Variants in EPB41L5 observed in about 807,000 individuals in gnomAD.
EPB41L5 encodes the protein erythrocyte membrane protein band 4.1 like 5, also known as band 4.1-like protein 5.
EPB41L5 carries 55 observed loss-of-function variants against 106.6 expected under a neutral mutation model. The observed-to-expected ratio is 0.52, with a 90% CI of 0.42 to 0.65. The LOEUF (loss-of-function observed/expected upper bound fraction) is 0.65, where lower values mean the gene tolerates loss of function less well. EPB41L5 is among the 30% of genes least tolerant of loss of function. The pLI is 0.00. For missense variants in EPB41L5, 871 were observed against 882.1 expected (o/e 0.99, Z 0.16); for synonymous variants, 297 against 306.7 (o/e 0.97, Z 0.33).
chr2:120,146,263 C>T lies in EPB41L5; in HGVS notation c.1767C>T (p.Ala589=). 1.2e-6 allele frequency: 2 copies of T among 1,609,596 alleles called. No individual in the cohort carries two copies. The highest frequency in any genetic ancestry group is 1.7e-6 in the Non-Finnish European group (2 of 1,176,368). The part of the protein sequence containing the change: ...KEDSLLSHKN[A]NVQDAATNSA... ...ATAGCTTATTAAGTCATAAAAATGCCAATGTTCAGGATGCTGCCACAAACA... is the reference window on the plus strand; with the variant it reads ...ATAGCTTATTAAGTCATAAAAATGCTAATGTTCAGGATGCTGCCACAAACA... The change falls in exon 20 of 25, where the codon GCC becomes GCT. Residue 589 remains alanine, a synonymous_variant. Transcript: ENST00000263713.
intron 3 of EPB41L5, among the ~76,000 whole-genome samples, chr2:120,051,010 C>T (rs1680223711): frequency 6.6e-6 from 1 of 152,202 alleles, no homozygotes; most frequent in Non-Finnish European, 1.5e-5. Flanking sequence ...CCTGATCGTT[C>T]CTCTGGAAGC....
intron 2 of EPB41L5, among the ~76,000 whole-genome samples, chr2:120,031,506 G>A (rs976173245): frequency 1.4e-4 from 21 of 151,998 alleles, no homozygotes; most frequent in Non-Finnish European, 2.9e-4. Flanking sequence ...AATTTGTAGT[G>A]GGCCAGAGCT....
intron 2 of EPB41L5, among the ~76,000 whole-genome samples, chr2:120,038,882 G>A (rs12623285): frequency 0.69 from 104,642 of 152,152 alleles, 37,550 homozygotes; most frequent in Non-Finnish European, 0.79. Context: ...ACCAGTGTTC[G>A]TGGCAGCATT....
At chr2:120,118,885 G>T (rs1012626696) in intron 16 of EPB41L5, among the ~76,000 whole-genome samples, 2 of 152,172 alleles carry the variant, frequency 1.3e-5, no homozygotes, top group African/African-American at 2.4e-5. Flanking sequence ...TGGTATTTCT[G>T]CCTCTAGGTC....
chr2:120,169,292 G>GA (rs1012381006), intron 24 of EPB41L5, among the ~76,000 whole-genome samples: 1 of 152,102 alleles, frequency 6.6e-6, no homozygotes, highest in East Asian at 1.9e-4. Flanking sequence ...TCCCTGTGGG[G>GA]AAAAAATAAT....
intron 24 of EPB41L5, among the ~76,000 whole-genome samples, chr2:120,173,103 C>CA (rs914718511): frequency 2.0e-5 from 3 of 151,780 alleles, no homozygotes; most frequent in Non-Finnish European, 2.9e-5. Context: ...ATCACGACAA[C>CA]AAAAAAATGA....
intron 2 of EPB41L5, among the ~76,000 whole-genome samples, chr2:120,022,651 A>G (rs1290273143): frequency 6.6e-6 from 1 of 152,152 alleles, no homozygotes; most frequent in East Asian, 1.9e-4. Flanking sequence ...ATACATGTGC[A>G]TGTGTCTTTA....
intron 16 of EPB41L5, among the ~76,000 whole-genome samples, chr2:120,122,425 A>G (rs1192627161): frequency 6.6e-6 from 1 of 152,192 alleles, no homozygotes; most frequent in African/African-American, 2.4e-5. Context: ...CCGTTTATTA[A>G]ACAGGGAATC....
At chr2:120,092,652 G>T (rs1683494822) in intron 13 of EPB41L5, among the ~76,000 whole-genome samples, 1 of 152,046 alleles carries the variant, frequency 6.6e-6, no homozygotes, top group South Asian at 2.1e-4. Flanking sequence ...CTGATGTTTG[G>T]CAGTATTGAC....
chr2:120,120,987 G>A (rs753822171), intron 16 of EPB41L5, among the ~76,000 whole-genome samples: 1 of 152,176 alleles, frequency 6.6e-6, no homozygotes, highest in East Asian at 1.9e-4. Context: ...AGTGGTGGCC[G>A]GCACCTGCAA....
rs1367477849 is a variant in EPB41L5 at position 120,081,332 on chromosome 2, G to A, written c.803+2751G>A. Reference sequence around the variant, plus strand: ...AGTTTCAGCTTTCTACATACGGCTAGCCAGTTTTCCCGGCACCATTTATTA... The same window carrying A: ...AGTTTCAGCTTTCTACATACGGCTAACCAGTTTTCCCGGCACCATTTATTA... On this transcript the variant is annotated intron_variant, in intron 10 of 24. Coordinates refer to ENST00000263713, the MANE Select transcript of EPB41L5 (RefSeq NM_020909.4). Among the ~76,000 whole-genome samples the A allele has an allele frequency of 2.6e-5, 4 of 152,144 alleles. No individual in the cohort carries two copies. In the East Asian group the frequency reaches 5.8e-4, roughly 22 times the overall value.
At chr2:120,070,878 A>G (rs570233972) in intron 3 of EPB41L5, among the ~76,000 whole-genome samples, 2 of 152,314 alleles carry the variant, frequency 1.3e-5, no homozygotes, top group African/African-American at 4.8e-5. Flanking sequence ...CACAGCCAAT[A>G]TCATACTGAA....
At chr2:120,065,946 C>T (rs1010344937) in intron 3 of EPB41L5, among the ~76,000 whole-genome samples, 2 of 152,088 alleles carry the variant, frequency 1.3e-5, no homozygotes, top group African/African-American at 4.8e-5. Context: ...CTTCACTCTG[C>T]CAACACACAT....
At chr2:120,161,037 A>G in intron 21 of EPB41L5, 63 bp downstream of exon 21, 2 of 1,165,040 alleles carry the variant, frequency 1.7e-6, no homozygotes, top group Non-Finnish European at 2.6e-6. Flanking sequence ...ATCTTGCAGT[A>G]TAACCAAGGG....
chr2:120,173,363 G>A (rs900018956), intron 24 of EPB41L5, among the ~76,000 whole-genome samples: 5 of 152,134 alleles, frequency 3.3e-5, no homozygotes, highest in African/African-American at 1.2e-4. Flanking sequence ...CAGAACTTTG[G>A]GGGGTCGTGA....
intron 13 of EPB41L5, 146 bp downstream of exon 13, chr2:120,091,807 A>G (rs1683430636): frequency 1.6e-6 from 1 of 632,896 alleles, no homozygotes; most frequent in Non-Finnish European, 2.8e-6. Context: ...AATCAATTTC[A>G]TGGGATACAC....
At chr2:120,172,174 G>A (rs899183243) in intron 24 of EPB41L5, among the ~76,000 whole-genome samples, 6 of 152,240 alleles carry the variant, frequency 3.9e-5, no homozygotes, top group East Asian at 3.9e-4. Flanking sequence ...GGCCTAGGAC[G>A]TCCTATATAT....
chr2:120,149,076 C>T (rs1686548120), intron 20 of EPB41L5, among the ~76,000 whole-genome samples: 1 of 152,146 alleles, frequency 6.6e-6, no homozygotes, highest in Admixed American at 6.5e-5. Flanking sequence ...AAGTGTGTCT[C>T]ATCTCATTGT....
At chr2:120,023,011 C>T (rs1678042707) in intron 2 of EPB41L5, among the ~76,000 whole-genome samples, 1 of 152,132 alleles carries the variant, frequency 6.6e-6, no homozygotes, top group African/African-American at 2.4e-5. Flanking sequence ...ATCCTTCACC[C>T]ACTTTTTGAT....
Sources: allele counts gnomAD v4.1 joint callset (sites outside exome capture counted in the v4.1 genomes callset), GRCh38; gene constraint gnomAD v4.1.1; transcripts MANE v1.5; gene names NCBI Gene and HGNC (gene_info 2026-07-23, HGNC 2026-07-21).